The following TRABD variants were observed in gnomAD, a reference collection of about 807,000 sequenced individuals.
TRABD encodes the protein TraB domain containing.
Under a neutral mutation model 39.6 loss-of-function variants are expected in TRABD, and 23 were observed. The ratio of observed to expected loss-of-function variants is 0.58; its 90% confidence interval spans 0.42 to 0.82. TRABD has a LOEUF of 0.82. Ranked by LOEUF, TRABD falls within the 40% of genes least tolerant of loss-of-function variation. The probability of loss-of-function intolerance (pLI) is 0.00; values close to 1 mark genes in which losing one functional copy is unlikely to be tolerated. For synonymous variants in TRABD, 243 were observed against 232.1 expected (o/e 1.05, Z -0.43); for missense variants, 487 against 544.9 (o/e 0.89, Z 1.06).
In TRABD at chr22:50,198,771, G is replaced by A; in HGVS notation, c.*252G>A. The stretch of plus-strand genomic sequence containing the variant: ...CTGCAGGGGCCGTTCCCCAGCTTCT[G>A]GACAAGACACCCAGCTCCGAGGGGG... On this transcript the variant is annotated 3_prime_UTR_variant, in exon 10 of 10. Transcript: ENST00000380909. This position sits in a 1 kb window ranked among gnomAD's most constrained non-coding sequence, Gnocchi z 7.9. The A allele has an allele frequency of 3.7e-6, 2 of 545,122 alleles. No individual in the cohort carries two copies. Among genetic ancestry groups the A allele is most frequent in the Non-Finnish European group, 6.5e-6 (2 of 309,942 alleles). The allele number at this position is 545,122 out of a possible 1,614,324, so 33.8% of individuals were successfully genotyped here.
chr22:50,188,246 C>A (rs1234618956), intron 1 of TRABD, among the ~76,000 whole-genome samples: 1 of 152,078 alleles, frequency 6.6e-6, no homozygotes, highest in African/African-American at 2.4e-5. Flanking sequence ...CACGCCACCG[C>A]ACTCCAGCCT....
At position 50,194,415 on chromosome 22, in the gene TRABD, CTGTGACCCAG is replaced by C; in HGVS notation, c.190_199del (p.Val64TrpfsTer26). 2 of 1,612,928 alleles carry C rather than the reference CTGTGACCCAG, an allele frequency of 1.2e-6. No individual in the cohort carries two copies. The highest frequency in any genetic ancestry group is 1.7e-6 in the Non-Finnish European group (2 of 1,179,786). On this transcript the variant is annotated frameshift_variant, in exon 4 of 10. Transcript: ENST00000380909. LOFTEE classifies it high-confidence loss of function. ...CGTCAGCGGCCCAACCTGCCGCGCACTGTGACCCAGTTGGTGGCTGAGGACGGGAGCAGGG... is the reference window on the plus strand; with the variant it reads ...CGTCAGCGGCCCAACCTGCCGCGCACTTGGTGGCTGAGGACGGGAGCAGGG...
intron 4 of TRABD, 80 bp downstream of exon 4, chr22:50,194,586 G>T: frequency 1.9e-6 from 3 of 1,538,480 alleles, no homozygotes; most frequent in Non-Finnish European, 2.6e-6. Flanking sequence ...CTCCCGGCAG[G>T]GCCCGTGTGC....
Position 50,193,928 on chromosome 22 carries a change from C to T in TRABD, c.112+274C>T, listed in dbSNP as rs1052807758. ...GTGAGCACAAGCAGTGTGAGCGGCA[C>T]GGGAGTCCCTCCTTGCTGTGGCCTC... On this transcript the variant is annotated intron_variant, in intron 3 of 9. Coordinates refer to ENST00000380909, the MANE Select transcript of TRABD (RefSeq NM_001320485.2). 1.7e-3 allele frequency among the ~76,000 whole-genome samples: 16 copies of T among 9,624 alleles called. No homozygotes were observed. The African/African-American group carries it at 0.024, about 14-fold the overall frequency. 6.3% of individuals were successfully genotyped at this position (9,624 alleles called of 152,430 possible).
In TRABD at chr22:50,199,083, T is replaced by C. The variant is rs1045104697; in HGVS notation, c.*564T>C. ...TGTGTTTTTGGCTTTTTTAATGTCTTAAAATCTTTTACTCAGGTAATTTTA... is the reference window on the plus strand; with the variant it reads ...TGTGTTTTTGGCTTTTTTAATGTCTCAAAATCTTTTACTCAGGTAATTTTA... On this transcript the variant is annotated 3_prime_UTR_variant, in exon 10 of 10. Coordinates refer to ENST00000380909, the MANE Select transcript of TRABD (RefSeq NM_001320485.2). 1 of 715,640 alleles carries C rather than the reference T, an allele frequency of 1.4e-6. No individual in the cohort carries two copies. Among genetic ancestry groups the C allele is most frequent in the Non-Finnish European group, 2.6e-6 (1 of 384,014 alleles). The allele number at this position is 715,640 out of a possible 1,614,324, so 44.3% of individuals were successfully genotyped here.
rs752387617 is a variant in TRABD at position 50,198,406 on chromosome 22, G to A, written c.1018G>A (p.Gly340Ser). 7 of 1,595,610 alleles carry A rather than the reference G, an allele frequency of 4.4e-6. No homozygotes were observed. The highest frequency in any genetic ancestry group is 3.3e-5 in the South Asian group (3 of 90,224). ...GTTGGCCGTGAAGGCCGCCTTCTTC[G>A]GCCTGCTGGGCTACAGCCTGTACTG... is the stretch of plus-strand genomic sequence containing the variant. ...SRLAVKAAFFGLLGYSLYWMG... is the reference protein window; with the variant it reads ...SRLAVKAAFFSLLGYSLYWMG... Residue 340 changes from glycine (G) to serine (S), a missense_variant, in exon 10 of 10, where the codon GGC becomes AGC. Gly to Ser is a moderately conservative substitution (Grantham distance 56, BLOSUM62 0). Transcript: ENST00000380909. The surrounding 1 kb of genome is among the most constrained non-coding windows in gnomAD (Gnocchi z 7.9).
intron 5 of TRABD, 43 bp from the exon 6 acceptor site, chr22:50,197,198 C>A (rs5771095): frequency 6.3e-7 from 1 of 1,583,026 alleles, no homozygotes; most frequent in Non-Finnish European, 8.6e-7. Flanking sequence ...AGCGCACCCC[C>A]GCACCCGCCC....
Position 50,198,930 on chromosome 22 carries a change from C to T in TRABD, c.*411C>T, listed in dbSNP as rs2064229344. 1.7e-6 allele frequency: 1 copy of T among 592,426 alleles called. No homozygotes were observed. Among genetic ancestry groups the T allele is most frequent in the South Asian group, 2.0e-5 (1 of 49,576 alleles). The allele number at this position is 592,426 out of a possible 1,614,324, so 36.7% of individuals were successfully genotyped here. A position where few individuals can be genotyped will look rare whatever the true frequency, so the allele number is the denominator to read the frequency against. ...CACAGGAGCGTCGGCCCAGGGGCGGCTCCTGGGGGCTCCAGGGCAGGCGAG... is the reference window on the plus strand; with the variant it reads ...CACAGGAGCGTCGGCCCAGGGGCGGTTCCTGGGGGCTCCAGGGCAGGCGAG... On this transcript the variant is annotated 3_prime_UTR_variant, in exon 10 of 10. Coordinates refer to ENST00000380909, the MANE Select transcript of TRABD (RefSeq NM_001320485.2). The surrounding 1 kb of genome is among the most constrained non-coding windows in gnomAD (Gnocchi z 7.9).
chr22:50,198,867 C>A lies in TRABD; in HGVS notation c.*348C>A, dbSNP rs572078027. On this transcript the variant is annotated 3_prime_UTR_variant, in exon 10 of 10. Transcript: ENST00000380909. The surrounding 1 kb of genome is among the most constrained non-coding windows in gnomAD (Gnocchi z 7.9). ...CTGGTGGCAGGCGGGGGACAATGGC[C>A]ACTGTCCCTACCTCACTGTGCCTTC... The A allele has an allele frequency of 1.8e-6, 1 of 549,606 alleles. No homozygotes were observed. Among genetic ancestry groups the A allele is most frequent in the South Asian group, 2.2e-5 (1 of 45,244 alleles). The allele number at this position is 549,606 out of a possible 1,614,324, so 34.0% of individuals were successfully genotyped here. A position where few individuals can be genotyped will look rare whatever the true frequency, so the allele number is the denominator to read the frequency against.
At chr22:50,187,497 C>T (rs937403054) in intron 1 of TRABD, among the ~76,000 whole-genome samples, 5 of 152,210 alleles carry the variant, frequency 3.3e-5, no homozygotes, top group Non-Finnish European at 7.3e-5. Flanking sequence ...CTTTCTGAGC[C>T]GGTCTAGTGG....
intron 5 of TRABD, 116 bp downstream of exon 5, chr22:50,195,156 T>C: frequency 7.5e-7 from 1 of 1,337,808 alleles, no homozygotes. Flanking sequence ...GTGCCTGGCC[T>C]GCCCTGGGGA....
Position 50,198,561 on chromosome 22 carries a change from C to A in TRABD, c.*42C>A. 1 of 1,463,568 alleles carries A rather than the reference C, an allele frequency of 6.8e-7. No individual in the cohort carries two copies. Among genetic ancestry groups the A allele is most frequent in the Non-Finnish European group, 9.0e-7 (1 of 1,111,188 alleles). The allele number at this position is 1,463,568 out of a possible 1,614,324, so 90.7% of individuals were successfully genotyped here. A position where few individuals can be genotyped will look rare whatever the true frequency, so the allele number is the denominator to read the frequency against. On this transcript the variant is annotated 3_prime_UTR_variant, in exon 10 of 10. Coordinates refer to ENST00000380909, the MANE Select transcript of TRABD (RefSeq NM_001320485.2). This position sits in a 1 kb window ranked among gnomAD's most constrained non-coding sequence, Gnocchi z 7.9. ...CGCTCGGGCCCCTGAGGAGCCAGTG[C>A]CCCCGCGGCACTTCTGGGTGCCAGG... is the stretch of plus-strand genomic sequence containing the variant.
intron 2 of TRABD, 149 bp downstream of exon 2, chr22:50,193,242 G>T (rs2063973325): frequency 9.4e-7 from 1 of 1,064,268 alleles, no homozygotes; most frequent in African/African-American, 1.6e-5. Flanking sequence ...CTCCGAGGGA[G>T]AGGGGCGCTG....
intron 7 of TRABD, 58 bp from the exon 8 acceptor site, chr22:50,197,765 C>CCG: frequency 2.7e-6 from 2 of 754,054 alleles, no homozygotes; most frequent in Non-Finnish European, 2.2e-6. Context: ...ACAGTGCCAG[C>CCG]CCCACCCCCC....
At chr22:50,196,048 C>A (rs886426949) in intron 5 of TRABD, among the ~76,000 whole-genome samples, 2 of 152,202 alleles carry the variant, frequency 1.3e-5, no homozygotes. Flanking sequence ...GCATAGAATT[C>A]GGCAGTGCCG....
chr22:50,188,770 G>T (rs2063821328), intron 1 of TRABD, among the ~76,000 whole-genome samples: 1 of 152,206 alleles, frequency 6.6e-6, no homozygotes. Flanking sequence ...GCTGTCTGAG[G>T]CTCCCACTGG....
At position 50,198,227 on chromosome 22, in the gene TRABD, C is replaced by T. The variant is rs2147142364; in HGVS notation, c.956+41C>T. 6.4e-7 allele frequency: 1 copy of T among 1,572,040 alleles called. No homozygotes were observed. The highest frequency in any genetic ancestry group is 8.7e-7 in the Non-Finnish European group (1 of 1,155,640). ...TCCCTGCAAGCCCCACCCCACAAGC[C>T]CCCAGGTGGAGGCTGAGCGCCCTGG... On this transcript the variant is annotated intron_variant, in intron 9 of 9. Transcript: ENST00000380909. The surrounding 1 kb of genome is among the most constrained non-coding windows in gnomAD (Gnocchi z 7.9).
chr22:50,197,191 G>GCGGGGGGGCC, intron 5 of TRABD, 50 bp from the exon 6 acceptor site: 2 of 1,553,438 alleles, frequency 1.3e-6, no homozygotes, highest in African/African-American at 2.7e-5. Context: ...TTCCCCCAGC[G>GCGGGGGGGCC]CACCCCCGCA....
At chr22:50,196,441 G>C (rs974419170) in intron 5 of TRABD, among the ~76,000 whole-genome samples, 3 of 152,336 alleles carry the variant, frequency 2.0e-5, no homozygotes, top group Admixed American at 6.5e-5. Context: ...GGGCTTTGCT[G>C]CCCTTCTGTG....
Sources: allele counts gnomAD v4.1 joint callset (sites outside exome capture counted in the v4.1 genomes callset), GRCh38; gene constraint gnomAD v4.1.1; non-coding constraint Gnocchi (gnomAD v3.1); transcripts MANE v1.5; gene names NCBI Gene and HGNC (gene_info 2026-07-23, HGNC 2026-07-21).